Variants in CEP83 observed in about 807,000 individuals in gnomAD.
The protein encoded by CEP83 is centrosomal protein of 83 kDa.
CEP83 carries 70 observed loss-of-function variants against 101.9 expected under a neutral mutation model. That is an observed-to-expected ratio of 0.69 (90% confidence interval 0.57 to 0.84). The LOEUF is 0.84. CEP83 is among the 40% of genes least tolerant of loss of function. The pLI, the probability that CEP83 is intolerant of heterozygous loss-of-function variation, is 0.00. For missense variants in CEP83, 715 were observed against 787.2 expected, an observed-to-expected ratio of 0.91 and a Z score of 1.10; for synonymous variants, 264 against 267.9, an observed-to-expected ratio of 0.99 and a Z score of 0.14.
At position 94,412,327 on chromosome 12, in the gene CEP83, T is replaced by A. The variant is rs1370600543; in HGVS notation, c.164A>T (p.Glu55Val). Residue 55 changes from glutamate to valine, a missense_variant, in exon 3 of 17, where the codon GAA becomes GTA. Coordinates refer to ENST00000397809, the MANE Select transcript of CEP83 (RefSeq NM_016122.3). ...HKANYQTLKA[E>V]HTRLQNEHVK... ...GATTTAAGTAATTTACCTTGTGTGT[T>A]CAGCCTTCAGTGTCTGATAATTAGC... 3 of 1,602,708 alleles carry A rather than the reference T, an allele frequency of 1.9e-6. No individual in the cohort carries two copies. The African/African-American group carries it at 4.0e-5, about 22-fold the overall frequency.
the CEP83 span, among the ~76,000 whole-genome samples, chr12:94,285,166 C>A: frequency 1.3e-5 from 2 of 152,146 alleles, no homozygotes; most frequent in Non-Finnish European, 2.9e-5. Flanking sequence ...CTAGAGAAGA[C>A]AGGAGGAGGA....
intron 14 of CEP83, among the ~76,000 whole-genome samples, chr12:94,327,587 C>G (rs375787032): frequency 2.0e-5 from 3 of 152,320 alleles, no homozygotes; most frequent in South Asian, 4.1e-4. Flanking sequence ...TCCTATCTGA[C>G]ATGTGTTTTT....
At chr12:94,369,730 T>C (rs2061204995) in intron 9 of CEP83, 192 bp downstream of exon 9, 1 of 417,314 alleles carries the variant, frequency 2.4e-6, no homozygotes, top group Non-Finnish European at 4.2e-6. Context: ...AAGACTGATT[T>C]TTTTAAAGTT....
In CEP83 at chr12:94,327,189, A is replaced by T. The variant is rs151178734; in HGVS notation, c.1707+4511T>A. Among the ~76,000 whole-genome samples, 120 of 152,374 alleles carry T rather than the reference A, an allele frequency of 7.9e-4. 1 individual carries two copies. In the East Asian group the frequency reaches 0.022, roughly 28 times the overall value. ...AATCGATGCCTTAGTGTTATAAACA[A>T]TATGACACAAAGGACTAATAGAACA... On this transcript the variant is annotated intron_variant, in intron 14 of 16. Coordinates refer to ENST00000397809, the MANE Select transcript of CEP83 (RefSeq NM_016122.3).
chr12:94,423,908 A>C, intron 2 of CEP83: 2 of 1,610,486 alleles, frequency 1.2e-6, no homozygotes, highest in East Asian at 2.2e-5. Flanking sequence ...CAGCATATAC[A>C]TGCCTGTGCT....
At chr12:94,266,534 T>C in the CEP83 span, among the ~76,000 whole-genome samples, 1 of 152,238 alleles carries the variant, frequency 6.6e-6, no homozygotes, top group Non-Finnish European at 1.5e-5. Context: ...GGCTGTGGCC[T>C]GAGAATTCAC....
At chr12:94,421,644 G>A (rs989322139) in intron 2 of CEP83, among the ~76,000 whole-genome samples, 1 of 152,108 alleles carries the variant, frequency 6.6e-6, no homozygotes, top group Non-Finnish European at 1.5e-5. Flanking sequence ...ACTTAACAAG[G>A]ATATGCTCTG....
At chr12:94,376,743 A>T (rs1238708241) in intron 7 of CEP83, among the ~76,000 whole-genome samples, 33 of 108,520 alleles carry the variant, frequency 3.0e-4, no homozygotes, top group Non-Finnish European at 4.8e-4. Flanking sequence ...ATATATATAT[A>T]TATATTTTTT....
downstream of CEP83, chr12:94,307,293 T>C (rs1190903503): frequency 6.6e-6 from 1 of 152,190 alleles, no homozygotes; most frequent in Non-Finnish European, 1.5e-5. Flanking sequence ...TTCACTAATG[T>C]ATGTAGCGTG....
chr12:94,315,137 T>C (rs1219572767), intron 14 of CEP83, among the ~76,000 whole-genome samples: 2 of 152,222 alleles, frequency 1.3e-5, no homozygotes, highest in African/African-American at 2.4e-5. Flanking sequence ...AGTGTATACA[T>C]GTTTTAGCTT....
intron 2 of CEP83, chr12:94,423,711 T>C: frequency 6.2e-7 from 1 of 1,607,762 alleles, no homozygotes; most frequent in South Asian, 1.1e-5. Context: ...AATTCATTTC[T>C]ACTCAGTAAA....
intron 2 of CEP83, among the ~76,000 whole-genome samples, chr12:94,425,203 G>T (rs1440682709): frequency 6.6e-6 from 1 of 152,122 alleles, no homozygotes; most frequent in African/African-American, 2.4e-5. Context: ...AGCTGCCATG[G>T]ACCCTCAGCT....
the CEP83 span, among the ~76,000 whole-genome samples, chr12:94,289,189 GA>G: frequency 5.1e-4 from 78 of 152,154 alleles, no homozygotes; most frequent in Non-Finnish European, 6.8e-4. Flanking sequence ...TGGTTTGGAG[GA>G]TGTGTAGCTC....
At chr12:94,312,526 A>T in intron 15 of CEP83, 2 of 972,796 alleles carry the variant, frequency 2.1e-6, no homozygotes, top group Non-Finnish European at 2.4e-6. Context: ...GCAAAACCCG[A>T]AACTACAGCT....
intron 1 of CEP83, among the ~76,000 whole-genome samples, chr12:94,447,498 T>C (rs1431101609): frequency 4.6e-5 from 7 of 151,948 alleles, no homozygotes; most frequent in Admixed American, 1.3e-4. Flanking sequence ...GGAGAACCTG[T>C]CTGGAAAAAA....
the CEP83 span, among the ~76,000 whole-genome samples, chr12:94,273,933 T>G: frequency 1.3e-5 from 2 of 152,144 alleles, no homozygotes; most frequent in East Asian, 3.9e-4. Flanking sequence ...GTGTCAGAGC[T>G]CTGCGTCACC....
In CEP83 at chr12:94,435,730, G is replaced by T. The variant is rs568733405; in HGVS notation, c.-154-403C>A. ...CCTAACAGAACAACTCTGTTCCAAC[G>T]GAGAAAACAGCAGCTAATTCAACTG... On this transcript the variant is annotated intron_variant, in intron 1 of 16. Transcript: ENST00000397809. Among the ~76,000 whole-genome samples the T allele has an allele frequency of 2.7e-3, 414 of 152,224 alleles. 2 individuals are homozygous for T. The highest frequency in any genetic ancestry group is 4.5e-3 in the Non-Finnish European group (303 of 68,006).
At chr12:94,322,672 C>A (rs2058798697) in intron 14 of CEP83, among the ~76,000 whole-genome samples, 1 of 152,190 alleles carries the variant, frequency 6.6e-6, no homozygotes, top group Non-Finnish European at 1.5e-5. Flanking sequence ...GAAATGAGAT[C>A]CAGGAGCCAC....
At chr12:94,447,357 T>C (rs1276871491) in intron 1 of CEP83, among the ~76,000 whole-genome samples, 1 of 152,078 alleles carries the variant, frequency 6.6e-6, no homozygotes, top group Non-Finnish European at 1.5e-5. Context: ...CTACAAAAAA[T>C]AGCCAGGTGT....
Sources: gnomAD v4.1 joint callset for allele counts (sites outside exome capture counted in the v4.1 genomes callset) on GRCh38, gnomAD v4.1.1 for gene constraint, MANE v1.5 for transcripts, NCBI Gene and HGNC (gene_info 2026-07-23, HGNC 2026-07-21) for gene names.